CACNG6: variants seen among roughly 807,000 people sequenced by gnomAD.
CACNG6 encodes the protein calcium voltage-gated channel auxiliary subunit gamma 6, also known as voltage-dependent calcium channel gamma-6 subunit.
CACNG6 carries 21 observed loss-of-function variants against 23.9 expected under a neutral mutation model. The ratio of observed to expected loss-of-function variants is 0.88; its 90% CI spans 0.62 to 1.26. The LOEUF (loss-of-function observed/expected upper bound fraction) is 1.26. Ranked by LOEUF, CACNG6 falls within the 50% of genes most tolerant of loss-of-function variation. The probability of loss-of-function intolerance (pLI) is 0.00; values close to 1 mark genes in which losing one functional copy is unlikely to be tolerated. For synonymous variants in CACNG6, 182 were observed against 168.9 expected, an observed-to-expected ratio of 1.08 and a Z score of -0.60; for missense variants, 340 against 352.9, an observed-to-expected ratio of 0.96 and a Z score of 0.29.
At chr19:54,006,783 C>T (rs944520717) in intron 3 of CACNG6, among the ~76,000 whole-genome samples, 1 of 151,930 alleles carries the variant, frequency 6.6e-6, no homozygotes, top group Non-Finnish European at 1.5e-5. Context: ...GATCTGCCCA[C>T]CTCTGCCTCC....
In CACNG6 at chr19:53,993,135, G is replaced by C; in HGVS notation, c.258G>C (p.Ala86=). 6.5e-7 allele frequency: 1 copy of C among 1,548,248 alleles called. No homozygotes were observed. The highest frequency in any genetic ancestry group is 8.7e-7 in the Non-Finnish European group (1 of 1,146,172). The change falls in exon 1 of 4, where the codon GCG becomes GCC. Residue 86 remains alanine (A), a synonymous_variant. Coordinates refer to ENST00000252729, the MANE Select transcript of CACNG6 (RefSeq NM_145814.2). Reference sequence around the variant, plus strand: ...CGGCCCACCTGGGGCTGTGGAAGGCGTGCACCAAGCGGCTGTGGCAGGCGG... The same window carrying C: ...CGGCCCACCTGGGGCTGTGGAAGGCCTGCACCAAGCGGCTGTGGCAGGCGG... ...CEAAHLGLWK[A]CTKRLWQADV...
rs767758239 is a variant in CACNG6, at chr19:53,993,168, C to G, written c.291C>G (p.Pro97=). 5.2e-6 allele frequency: 8 copies of G among 1,544,116 alleles called. No homozygotes were observed. Among genetic ancestry groups the G allele is most frequent in the South Asian group, 1.2e-5 (1 of 83,960 alleles). ...AGCGGCTGTGGCAGGCGGACGTGCC[C>G]GTGGACAGGGACACCTGCGGCCCCG... ...CTKRLWQADV[P]VDRDTCGPAE... The change falls in exon 1 of 4, where the codon CCC becomes CCG. Residue 97 remains proline (P), a synonymous_variant. Coordinates refer to ENST00000252729, the MANE Select transcript of CACNG6 (RefSeq NM_145814.2).
intron 3 of CACNG6, among the ~76,000 whole-genome samples, chr19:54,000,065 G>A (rs943286624): frequency 2.6e-5 from 4 of 152,108 alleles, no homozygotes; most frequent in Non-Finnish European, 4.4e-5. Context: ...CCCAACAACC[G>A]GGCTAAGGAT....
At chr19:54,004,551 A>G (rs2069618279) in intron 3 of CACNG6, among the ~76,000 whole-genome samples, 1 of 152,058 alleles carries the variant, frequency 6.6e-6, no homozygotes, top group South Asian at 2.1e-4. Context: ...AAGTCGGATC[A>G]CGGATTCTCC....
intron 1 of CACNG6, among the ~76,000 whole-genome samples, chr19:53,994,178 C>T (rs879538607): frequency 2.4e-4 from 37 of 152,104 alleles, no homozygotes; most frequent in South Asian, 2.1e-4. Context: ...GGGAGACAGA[C>T]GCCCACCCCA....
intron 1 of CACNG6, among the ~76,000 whole-genome samples, chr19:53,993,603 G>A (rs2069490596): frequency 6.6e-6 from 1 of 151,076 alleles, no homozygotes. Context: ...TCTAAAGAGA[G>A]CTTGTGCCCC....
At position 54,004,334 on chromosome 19, in the gene CACNG6, TTTGTGTGTG is replaced by T. The variant is rs1340672124; in HGVS notation, c.544+4565_544+4573del. Among the ~76,000 whole-genome samples the T allele has an allele frequency of 8.9e-4, 112 of 126,544 alleles. 1 individual carries two copies. The highest frequency in any genetic ancestry group is 3.7e-3 in the African/African-American group (110 of 29,336). 83.0% of individuals were successfully genotyped at this position (126,544 alleles called of 152,430 possible). On this transcript the variant is annotated intron_variant, in intron 3 of 3. Coordinates refer to ENST00000252729, the MANE Select transcript of CACNG6 (RefSeq NM_145814.2). ...CACCACGCCTGGTTAATTTTGTATTTTTGTGTGTGTGTGTGTGTGTGTGTGTGTGTGTGT... is the reference window on the plus strand; with the variant it reads ...CACCACGCCTGGTTAATTTTGTATTTTGTGTGTGTGTGTGTGTGTGTGTGT...
rs1051754051 is a variant in CACNG6, at chr19:53,998,223, T to C, written c.332-16T>C. The C allele has an allele frequency of 1.2e-6, 2 of 1,611,684 alleles. No individual in the cohort carries two copies. The highest frequency in any genetic ancestry group is 1.3e-5 in the African/African-American group (1 of 74,826). On this transcript the variant is annotated splice_polypyrimidine_tract_variant and intron_variant, in intron 1 of 3. Coordinates refer to ENST00000252729, the MANE Select transcript of CACNG6 (RefSeq NM_145814.2). The stretch of plus-strand genomic sequence containing the variant: ...CTCACATCCTCATGTCTGTTTTCTC[T>C]CTCCTGCTCCCACAGAAGCAAACTG...
At position 53,993,143 on chromosome 19, in the gene CACNG6, A is replaced by T. The variant is rs1281908574; in HGVS notation, c.266A>T (p.Lys89Met). The change falls in exon 1 of 4, where the codon AAG becomes ATG. Residue 89 changes from lysine to methionine, a missense_variant. Coordinates refer to ENST00000252729, the MANE Select transcript of CACNG6 (RefSeq NM_145814.2). ...CTGGGGCTGTGGAAGGCGTGCACCAAGCGGCTGTGGCAGGCGGACGTGCCC... is the reference window on the plus strand; with the variant it reads ...CTGGGGCTGTGGAAGGCGTGCACCATGCGGCTGTGGCAGGCGGACGTGCCC... ...AHLGLWKACT[K>M]RLWQADVPVD... 4.5e-6 allele frequency: 7 copies of T among 1,548,036 alleles called. No homozygotes were observed. Among genetic ancestry groups the T allele is most frequent in the Non-Finnish European group, 5.2e-6 (6 of 1,146,148 alleles).
chr19:54,004,643 C>T (rs1329979567), intron 3 of CACNG6, among the ~76,000 whole-genome samples: 2 of 152,112 alleles, frequency 1.3e-5, no homozygotes, highest in South Asian at 2.1e-4. Flanking sequence ...CGGCGCCCTG[C>T]GACTCCCTCT....
chr19:54,004,655 C>A (rs1456917644), intron 3 of CACNG6, among the ~76,000 whole-genome samples: 1 of 152,156 alleles, frequency 6.6e-6, no homozygotes, highest in Non-Finnish European at 1.5e-5. Flanking sequence ...ACTCCCTCTC[C>A]TGCCACCTGC....
intron 1 of CACNG6, 35 bp downstream of exon 1, chr19:53,993,243 T>C (rs115964462): frequency 0.056 from 85,469 of 1,514,346 alleles, 2,720 homozygotes; most frequent in Middle Eastern, 0.1. Context: ...AGGGCTTGCG[T>C]CCCACGGACA....
chr19:54,011,583 T>C (rs1197135727), intron 3 of CACNG6, among the ~76,000 whole-genome samples: 1 of 152,070 alleles, frequency 6.6e-6, no homozygotes, highest in African/African-American at 2.4e-5. Context: ...CGTACGGTTC[T>C]GTGGCATCAA....
intron 1 of CACNG6, among the ~76,000 whole-genome samples, chr19:53,995,851 G>A (rs751739417): frequency 3.3e-5 from 5 of 152,146 alleles, no homozygotes; most frequent in Admixed American, 1.3e-4. Context: ...TAGTAGAGAC[G>A]GGGTTTCACC....
rs1334167657 is a variant in CACNG6, at chr19:54,012,035, C to T, written c.629C>T (p.Ala210Val). The T allele has an allele frequency of 2.5e-6, 4 of 1,606,034 alleles. No individual in the cohort carries two copies. In the Admixed American group the frequency reaches 6.8e-5, roughly 27 times the overall value. ...LQRVSPEPPP[A>V]PRLTYEYSWS... is the part of the protein sequence containing the mutation. ...AGAGTCAGCCCGGAGCCTCCCCCGG[C>T]CCCACGCCTCACCTACGAGTACTCC... Residue 210 changes from alanine (A) to valine (V), a missense_variant, in exon 4 of 4, where the codon GCC becomes GTC. By Grantham distance (64) the Ala-to-Val change is moderately conservative (BLOSUM62 0). Coordinates refer to ENST00000252729, the MANE Select transcript of CACNG6 (RefSeq NM_145814.2).
chr19:54,009,624 G>A (rs1253647213), intron 3 of CACNG6, among the ~76,000 whole-genome samples: 4 of 151,922 alleles, frequency 2.6e-5, no homozygotes, highest in South Asian at 2.1e-4. Flanking sequence ...CTTACTTGCC[G>A]CCCTGTGTGT....
Position 54,008,170 on chromosome 19 carries a change from C to T in CACNG6, c.545-3781C>T, listed in dbSNP as rs561899973. Among the ~76,000 whole-genome samples, 24 of 151,818 alleles carry T rather than the reference C, an allele frequency of 1.6e-4. No homozygotes were observed. The South Asian group carries it at 4.4e-3, about 28-fold the overall frequency. On this transcript the variant is annotated intron_variant, in intron 3 of 3. Transcript: ENST00000252729. ...GAGTTTGAGACCAGCCTGGCCAACA[C>T]GGTGAAACCCCATCTCTACTAAAAA...
Position 53,998,260 on chromosome 19 carries a change from A to T in CACNG6, c.353A>T (p.Lys118Ile). 6.2e-7 allele frequency: 1 copy of T among 1,613,980 alleles called. No individual in the cohort carries two copies. Among genetic ancestry groups the T allele is most frequent in the Non-Finnish European group, 8.5e-7 (1 of 1,179,960 alleles). ...LPGEANCTYF[K>I]FFTTGENARI... ...ACAGAAGCAAACTGCACCTATTTTA[A>T]ATTCTTCACCACGGGGGAGAATGCA... The change falls in exon 2 of 4, where the codon AAA becomes ATA. Residue 118 changes from lysine (K) to isoleucine (I), a missense_variant. Coordinates refer to ENST00000252729, the MANE Select transcript of CACNG6 (RefSeq NM_145814.2).
intron 3 of CACNG6, among the ~76,000 whole-genome samples, chr19:54,000,233 T>C (rs1435728875): frequency 6.6e-6 from 1 of 152,182 alleles, no homozygotes; most frequent in Non-Finnish European, 1.5e-5. Context: ...TCCAAACGCT[T>C]TTCAAGGTTT....
Sources: gnomAD v4.1 joint callset for allele counts (sites outside exome capture counted in the v4.1 genomes callset) on GRCh38, gnomAD v4.1.1 for gene constraint, MANE v1.5 for transcripts, NCBI Gene and HGNC (gene_info 2026-07-23, HGNC 2026-07-21) for gene names.